Variants in HPGDS observed in about 807,000 individuals in gnomAD.
The protein encoded by HPGDS is GST class-sigma.
In HPGDS, 26 loss-of-function variants were observed where a neutral mutation model predicts 23.1. The ratio of observed to expected loss-of-function variants is 1.13; its 90% CI spans 0.83 to 1.56. HPGDS has a LOEUF of 1.56. Among genes scored for constraint, HPGDS ranks in the 40% most tolerant of loss-of-function variants. The probability of loss-of-function intolerance (pLI) is 0.00; values close to 1 mark genes in which losing one functional copy is unlikely to be tolerated. For missense variants in HPGDS, 268 were observed against 236.4 expected, an observed-to-expected ratio of 1.13 and a Z score of -0.88; for synonymous variants, 95 against 77.9, an observed-to-expected ratio of 1.22 and a Z score of -1.16.
At chr4:94,310,638 G>T (rs1360103918) in intron 3 of HPGDS, among the ~76,000 whole-genome samples, 3 of 152,048 alleles carry the variant, frequency 2.0e-5, no homozygotes, top group Non-Finnish European at 4.4e-5. Context: ...GGTTCCATAT[G>T]AACTTTAAAG....
intron 1 of HPGDS, among the ~76,000 whole-genome samples, 166 bp from the exon 2 acceptor site, chr4:94,334,804 G>A (rs1159213383): frequency 3.3e-5 from 5 of 152,010 alleles, no homozygotes; most frequent in African/African-American, 1.2e-4. Context: ...TTACATACGG[G>A]GAAACTTGGT....
chr4:94,340,309 C>CTTTCTTTCTTTT (rs1560597992), intron 1 of HPGDS, among the ~76,000 whole-genome samples: 2 of 28,762 alleles, frequency 7.0e-5, no homozygotes, highest in African/African-American at 2.4e-4. Flanking sequence ...TTCTTTCTTT[C>CTTTCTTTCTTTT]TCTTTTTTTT....
At chr4:94,332,505 G>A (rs1278480769) in intron 2 of HPGDS, among the ~76,000 whole-genome samples, 1 of 152,232 alleles carries the variant, frequency 6.6e-6, no homozygotes, top group Non-Finnish European at 1.5e-5. Flanking sequence ...TGCCTCTGGG[G>A]CTTCAGGGGT....
intron 2 of HPGDS, among the ~76,000 whole-genome samples, chr4:94,319,829 G>A (rs1460563084): frequency 1.3e-5 from 2 of 152,070 alleles, no homozygotes; most frequent in Non-Finnish European, 2.9e-5. Context: ...TGTTACATAG[G>A]TATACATGTG....
intron 5 of HPGDS, among the ~76,000 whole-genome samples, chr4:94,301,305 A>T (rs1167999798): frequency 6.6e-6 from 1 of 152,224 alleles, no homozygotes; most frequent in Admixed American, 6.5e-5. Context: ...TGGCAAGACT[A>T]CTAGGTGGTA....
At chr4:94,340,311 C>CTTTCTTTTTCTTTT in intron 1 of HPGDS, among the ~76,000 whole-genome samples, 7 of 23,678 alleles carry the variant, frequency 3.0e-4, no homozygotes, top group African/African-American at 8.8e-4. Context: ...CTTTCTTTCT[C>CTTTCTTTTTCTTTT]TTTTTTTTTT....
intron 1 of HPGDS, among the ~76,000 whole-genome samples, chr4:94,340,295 T>C (rs1578148058): frequency 2.5e-5 from 2 of 78,650 alleles, no homozygotes; most frequent in Admixed American, 1.7e-4. Context: ...CTTTCTTTCT[T>C]TCTTTCTTTC....
Position 94,316,462 on chromosome 4 carries a change from T to TATTAATACAGGGAACTACAAATACAA in HPGDS, c.226+1410_226+1411insTTGTATTTGTAGTTCCCTGTATTAAT, listed in dbSNP as rs34584729. Among the ~76,000 whole-genome samples, 3 of 151,714 alleles carry TATTAATACAGGGAACTACAAATACAA rather than the reference T, an allele frequency of 2.0e-5. 1 individual carries two copies. The highest frequency in any genetic ancestry group is 7.3e-5 in the African/African-American group (3 of 41,252). On this transcript the variant is annotated intron_variant, in intron 3 of 5. Coordinates refer to ENST00000295256, the MANE Select transcript of HPGDS (RefSeq NM_014485.3). ...GATCTCTTAATATGCTTCCCTGCAGTAGCCACAAATACAAAGTAACCACAA... is the reference window on the plus strand; with the variant it reads ...GATCTCTTAATATGCTTCCCTGCAGTATTAATACAGGGAACTACAAATACAAAGCCACAAATACAAAGTAACCACAA...
rs1756055010 is a variant in HPGDS, at chr4:94,302,204, TGAG to T, written c.374_376del (p.Pro125del). On this transcript the variant is annotated inframe_deletion, in exon 5 of 6. Transcript: ENST00000295256. Reference sequence around the variant, plus strand: ...ATATGTGTCCAAGTCTTGCATAAGATGAGGCGCATTATACGTGAGCAGCTCATT... The same window carrying T: ...ATATGTGTCCAAGTCTTGCATAAGATGCGCATTATACGTGAGCAGCTCATT... 1 of 1,612,626 alleles carries T rather than the reference TGAG, an allele frequency of 6.2e-7. No homozygotes were observed. Among genetic ancestry groups the T allele is most frequent in the African/African-American group, 1.3e-5 (1 of 74,842 alleles).
chr4:94,339,771 C>A (rs1177599228), intron 1 of HPGDS, among the ~76,000 whole-genome samples: 3 of 152,014 alleles, frequency 2.0e-5, no homozygotes, highest in Non-Finnish European at 4.4e-5. Flanking sequence ...TGAATTGTAG[C>A]TCCCATAATT....
chr4:94,320,077 C>A (rs1201772863), intron 2 of HPGDS, among the ~76,000 whole-genome samples: 1 of 152,180 alleles, frequency 6.6e-6, no homozygotes, highest in Non-Finnish European at 1.5e-5. Flanking sequence ...CATGTCCCTA[C>A]AAAGGACATG....
At position 94,307,209 on chromosome 4, in the gene HPGDS, A is replaced by C. The variant is rs114463045; in HGVS notation, c.336+1425T>G. ...AACATCTTTAAACAAATAAGGCCCC[A>C]AAAGCCCCAAACTTTTATTTCCTAT... On this transcript the variant is annotated intron_variant, in intron 4 of 5. Transcript: ENST00000295256. Among the ~76,000 whole-genome samples the C allele has an allele frequency of 7.8e-3, 1,179 of 152,126 alleles. 9 individuals are homozygous for C. The highest frequency in any genetic ancestry group is 0.027 in the African/African-American group (1,118 of 41,512).
chr4:94,311,510 G>C (rs4532205), intron 3 of HPGDS, among the ~76,000 whole-genome samples: 55,000 of 150,842 alleles, frequency 0.36, 11,434 homozygotes, highest in East Asian at 0.7. Flanking sequence ...GGTGGATAAG[G>C]TTTTTGATGT....
chr4:94,331,565 C>T (rs1041132426), intron 2 of HPGDS, among the ~76,000 whole-genome samples: 4 of 152,160 alleles, frequency 2.6e-5, no homozygotes, highest in Non-Finnish European at 5.9e-5. Flanking sequence ...CTCGATCGTT[C>T]ATTAACTTGA....
Position 94,311,389 on chromosome 4 carries a change from G to A in HPGDS, c.227-2646C>T, listed in dbSNP as rs534575692. On this transcript the variant is annotated intron_variant, in intron 3 of 5. Coordinates refer to ENST00000295256, the MANE Select transcript of HPGDS (RefSeq NM_014485.3). ...CCAAGGCCTTTTCTGCATCTATTGAGATAATCATGTGGTTTTTTGTCATCG... is the reference window on the plus strand; with the variant it reads ...CCAAGGCCTTTTCTGCATCTATTGAAATAATCATGTGGTTTTTTGTCATCG... Among the ~76,000 whole-genome samples the A allele has an allele frequency of 9.4e-4, 143 of 151,438 alleles. 1 individual carries two copies. The highest frequency in any genetic ancestry group is 9.9e-4 in the Non-Finnish European group (67 of 68,016).
intron 3 of HPGDS, 124 bp downstream of exon 3, chr4:94,317,749 T>C: frequency 3.6e-6 from 2 of 562,704 alleles, no homozygotes; most frequent in African/African-American, 1.9e-5. Context: ...TATACTTTTC[T>C]CTTATTTAAT....
chr4:94,318,895 T>C (rs1030230877), intron 2 of HPGDS, among the ~76,000 whole-genome samples: 4 of 152,132 alleles, frequency 2.6e-5, no homozygotes, highest in Admixed American at 6.6e-5. Context: ...GTATTTTTAG[T>C]AGAGATGGGG....
chr4:94,299,765 A>C (rs1157194327), intron 5 of HPGDS, 121 bp from the exon 6 acceptor site: 10 of 930,038 alleles, frequency 1.1e-5, no homozygotes, highest in Non-Finnish European at 1.4e-5. Flanking sequence ...TTACAAAAGC[A>C]GAATGTTTAT....
intron 2 of HPGDS, among the ~76,000 whole-genome samples, chr4:94,323,950 A>G (rs1175654557): frequency 6.6e-6 from 1 of 152,080 alleles, no homozygotes; most frequent in Non-Finnish European, 1.5e-5. Flanking sequence ...TTGTAAGCAG[A>G]CCTGGTATTG....
Sources: gnomAD v4.1 joint callset for allele counts (sites outside exome capture counted in the v4.1 genomes callset) on GRCh38, gnomAD v4.1.1 for gene constraint, MANE v1.5 for transcripts, NCBI Gene and HGNC (gene_info 2026-07-23, HGNC 2026-07-21) for gene names.